The following TBC1D12 variants were observed in gnomAD, a reference collection of about 807,000 sequenced individuals.
TBC1D12 encodes the protein TBC1 domain family member 12, also known as TBC1 domain family, member 12.
A neutral mutation model predicts 86.7 loss-of-function variants in TBC1D12; 56 were observed. The observed-to-expected ratio is 0.65, with a 90% CI of 0.52 to 0.81. TBC1D12 has a LOEUF of 0.81. Among genes scored for constraint, TBC1D12 ranks in the 30% least tolerant of loss-of-function variants. The pLI is 0.00. For synonymous variants in TBC1D12, 421 were observed against 411.7 expected, an observed-to-expected ratio of 1.02 and a Z score of -0.27; for missense variants, 1,023 against 1,038.8, an observed-to-expected ratio of 0.98 and a Z score of 0.21.
intron 5 of TBC1D12, among the ~76,000 whole-genome samples, chr10:94,499,761 A>G (rs77889293): frequency 9.8e-4 from 150 of 152,356 alleles, no homozygotes; most frequent in African/African-American, 3.5e-3. Flanking sequence ...GCCCAAGGTT[A>G]TACATTTAAT....
intron 1 of TBC1D12, among the ~76,000 whole-genome samples, chr10:94,405,112 TTCTTC>T (rs943320877): frequency 3.6e-4 from 54 of 152,050 alleles, no homozygotes; most frequent in African/African-American, 1.2e-3. Flanking sequence ...CTTCTTCTTC[TTCTTC>T]TTTTTTCTTA....
rs1402610564 is a variant in TBC1D12, at chr10:94,531,195, A to T, written c.2001-7A>T. 1.9e-6 allele frequency: 3 copies of T among 1,596,220 alleles called. No homozygotes were observed. Among genetic ancestry groups the T allele is most frequent in the Admixed American group, 3.4e-5 (2 of 58,140 alleles). ...ATTTCAGTGACCATTTTTCCCTCTA[A>T]TTTTAGGATCTTCACACTATATAGC... On this transcript the variant is annotated splice_polypyrimidine_tract_variant and splice_region_variant and intron_variant, in intron 11 of 12. Transcript: ENST00000225235.
chr10:94,474,863 G>A, intron 3 of TBC1D12, 80 bp downstream of exon 3: 2 of 1,264,918 alleles, frequency 1.6e-6, no homozygotes, highest in Middle Eastern at 1.9e-4. Context: ...TTAAAAGATA[G>A]CGAGAAAGAT....
chr10:94,503,532 T>C (rs2056424912), intron 6 of TBC1D12, among the ~76,000 whole-genome samples: 1 of 152,242 alleles, frequency 6.6e-6, no homozygotes, highest in Non-Finnish European at 1.5e-5. Flanking sequence ...TGAAAAGCAA[T>C]GCCAACTTTG....
chr10:94,442,081 T>TA, intron 2 of TBC1D12, 62 bp downstream of exon 2: 1 of 1,305,144 alleles, frequency 7.7e-7, no homozygotes, highest in Non-Finnish European at 1.0e-6. Flanking sequence ...TTCTTCTTCT[T>TA]CTTTTTTTTT....
chr10:94,502,890 C>T (rs1445262501), intron 6 of TBC1D12, among the ~76,000 whole-genome samples: 2 of 152,128 alleles, frequency 1.3e-5, no homozygotes, highest in Non-Finnish European at 2.9e-5. Context: ...TCTGCTCTTC[C>T]ACCTGAACTG....
At chr10:94,404,103 A>G (rs1315447571) in intron 1 of TBC1D12, among the ~76,000 whole-genome samples, 1 of 152,148 alleles carries the variant, frequency 6.6e-6, no homozygotes, top group Non-Finnish European at 1.5e-5. Context: ...AATCCATTCA[A>G]GTGGTTTGGG....
At chr10:94,440,404 TG>T (rs775704497) in intron 1 of TBC1D12, among the ~76,000 whole-genome samples, 3 of 152,166 alleles carry the variant, frequency 2.0e-5, no homozygotes, top group Non-Finnish European at 4.4e-5. Flanking sequence ...CTCAAACTCC[TG>T]GGCTCAAGTG....
chr10:94,423,359 T>C (rs911183423), intron 1 of TBC1D12, among the ~76,000 whole-genome samples: 2 of 147,798 alleles, frequency 1.4e-5, no homozygotes, highest in African/African-American at 5.0e-5. Context: ...TTTTTTTTTT[T>C]TTTTTGAGAT....
intron 2 of TBC1D12, among the ~76,000 whole-genome samples, chr10:94,464,112 A>T (rs1181136065): frequency 6.6e-6 from 1 of 151,984 alleles, no homozygotes; most frequent in African/African-American, 2.4e-5. Context: ...TTCTGTTTTC[A>T]TCCTTTTATT....
chr10:94,427,662 T>C (rs1320390506), intron 1 of TBC1D12, among the ~76,000 whole-genome samples: 2 of 151,800 alleles, frequency 1.3e-5, no homozygotes, highest in African/African-American at 4.8e-5. Context: ...CGAAACCCTG[T>C]CTCCAATAAA....
chr10:94,463,658 A>T (rs1227722444), intron 2 of TBC1D12, among the ~76,000 whole-genome samples: 1 of 152,192 alleles, frequency 6.6e-6, no homozygotes, highest in Non-Finnish European at 1.5e-5. Context: ...CAGACAATAT[A>T]TGTTATGCAA....
intron 1 of TBC1D12, among the ~76,000 whole-genome samples, chr10:94,417,616 A>G (rs183063216): frequency 4.3e-4 from 65 of 152,294 alleles, no homozygotes; most frequent in African/African-American, 1.6e-3. Context: ...TTTCACATCT[A>G]GTGTAAAAGT....
chr10:94,458,843 G>A (rs2055672248), intron 2 of TBC1D12, among the ~76,000 whole-genome samples: 2 of 152,088 alleles, frequency 1.3e-5, no homozygotes, highest in Admixed American at 1.3e-4. Context: ...TCATGGTCTT[G>A]CTGCCTTCAG....
Position 94,437,529 on chromosome 10 carries a change from T to C in TBC1D12, c.972-4367T>C, listed in dbSNP as rs188179663. ...TTTTAGTAGAGATGGGGTTTCACCA[T>C]GTTAGCCAGGAAGGTCTCGATTTCC... is the stretch of plus-strand genomic sequence containing the variant. On this transcript the variant is annotated intron_variant, in intron 1 of 12. Coordinates refer to ENST00000225235, the MANE Select transcript of TBC1D12 (RefSeq NM_015188.2). 2.2e-4 allele frequency among the ~76,000 whole-genome samples: 34 copies of C among 152,260 alleles called. No homozygotes were observed. The East Asian group carries it at 6.6e-3, about 30-fold the overall frequency.
chr10:94,496,547 C>T (rs939346434), intron 4 of TBC1D12, among the ~76,000 whole-genome samples: 1 of 151,996 alleles, frequency 6.6e-6, no homozygotes, highest in Non-Finnish European at 1.5e-5. Context: ...TGGTTAGTTG[C>T]CCACAGTTGT....
intron 11 of TBC1D12, among the ~76,000 whole-genome samples, chr10:94,525,042 G>A (rs865801060): frequency 2.0e-5 from 3 of 152,034 alleles, no homozygotes; most frequent in Admixed American, 2.0e-4. Flanking sequence ...ATATTTCACA[G>A]TTAATAAATG....
intron 2 of TBC1D12, among the ~76,000 whole-genome samples, chr10:94,445,204 T>G (rs2055442910): frequency 6.6e-6 from 1 of 151,022 alleles, no homozygotes; most frequent in Non-Finnish European, 1.5e-5. Context: ...ACTAAAAATA[T>G]AAAAATTAGC....
chr10:94,433,688 A>G (rs2055250865), intron 1 of TBC1D12, among the ~76,000 whole-genome samples: 3 of 152,194 alleles, frequency 2.0e-5, no homozygotes, highest in Admixed American at 6.5e-5. Context: ...TTCCTTTGGT[A>G]TAACTTCATC....
Sources: gnomAD v4.1 joint callset for allele counts (sites outside exome capture counted in the v4.1 genomes callset) on GRCh38, gnomAD v4.1.1 for gene constraint, MANE v1.5 for transcripts, NCBI Gene and HGNC (gene_info 2026-07-23, HGNC 2026-07-21) for gene names.